RUFY3: variants seen among roughly 807,000 people sequenced by gnomAD.
RUFY3 encodes protein RUFY3.
In RUFY3, 34 loss-of-function variants were observed where a neutral mutation model predicts 84.0. The observed-to-expected ratio is 0.40, with a 90% CI of 0.31 to 0.54. RUFY3 has a LOEUF of 0.54. RUFY3 is among the 20% of genes least tolerant of loss of function. The pLI is 0.39. For synonymous variants in RUFY3, 242 were observed against 252.9 expected (o/e 0.96, Z 0.41); for missense variants, 507 against 736.8 (o/e 0.69, Z 3.61).
At position 70,754,989 on chromosome 4, in the gene RUFY3, C is replaced by T. The variant is rs543349357; in HGVS notation, c.179-7530C>T. Among the ~76,000 whole-genome samples the T allele has an allele frequency of 2.5e-3, 381 of 151,842 alleles. 1 individual carries two copies. The highest frequency in any genetic ancestry group is 8.6e-3 in the African/African-American group (358 of 41,392). ...TGTGATCTTGGCTCACTGCAACCTCCGCTTCCCGGGTTGAAGCGATTCTCC... is the reference window on the plus strand; with the variant it reads ...TGTGATCTTGGCTCACTGCAACCTCTGCTTCCCGGGTTGAAGCGATTCTCC... On this transcript the variant is annotated intron_variant, in intron 1 of 17. Coordinates refer to ENST00000381006, the MANE Select transcript of RUFY3 (RefSeq NM_001037442.4).
At chr4:70,752,554 G>A (rs1723301125) in intron 1 of RUFY3, among the ~76,000 whole-genome samples, 1 of 152,170 alleles carries the variant, frequency 6.6e-6, no homozygotes, top group South Asian at 2.1e-4. Context: ...TGAGTTTTTT[G>A]TAGATGCCCT....
chr4:70,791,213 T>A, intron 12 of RUFY3: 1 of 1,607,192 alleles, frequency 6.2e-7, no homozygotes, highest in Non-Finnish European at 8.5e-7. Context: ...TTGTCATTTT[T>A]ATTTTATTTA....
chr4:70,759,797 A>G (rs1188162779), intron 1 of RUFY3, among the ~76,000 whole-genome samples: 1 of 152,158 alleles, frequency 6.6e-6, no homozygotes, highest in African/African-American at 2.4e-5. Flanking sequence ...TCATTTGTTT[A>G]GATTAGTAGT....
intron 4 of RUFY3, 46 bp downstream of exon 4, chr4:70,764,622 C>A: frequency 8.6e-7 from 1 of 1,162,902 alleles, no homozygotes; most frequent in Non-Finnish European, 1.3e-6. Flanking sequence ...GTATGTTCTA[C>A]ATCGTATAAA....
intron 1 of RUFY3, among the ~76,000 whole-genome samples, chr4:70,716,231 C>T (rs1267305222): frequency 2.0e-5 from 3 of 152,056 alleles, no homozygotes; most frequent in Non-Finnish European, 4.4e-5. Flanking sequence ...CTGTAACCTC[C>T]GCCTCCTGGC....
chr4:70,763,810 C>A, intron 3 of RUFY3, 141 bp downstream of exon 3: 1 of 1,015,578 alleles, frequency 9.8e-7, no homozygotes, highest in Non-Finnish European at 1.4e-6. Flanking sequence ...TAGGTGCTGA[C>A]AGGAGAGAAT....
chr4:70,771,597 A>G (rs1726972033), intron 5 of RUFY3, among the ~76,000 whole-genome samples: 1 of 152,160 alleles, frequency 6.6e-6, no homozygotes, highest in Admixed American at 6.5e-5. Flanking sequence ...CGTGGAGTGA[A>G]CTCAGCTCAG....
chr4:70,789,432 C>A, intron 11 of RUFY3, 63 bp from the exon 12 acceptor site: 2 of 1,376,588 alleles, frequency 1.5e-6, no homozygotes, highest in Non-Finnish European at 2.0e-6. Flanking sequence ...ATTCAAAAGG[C>A]ATGTGTGGTT....
At chr4:70,708,912 G>A (rs1039166884) in intron 1 of RUFY3, among the ~76,000 whole-genome samples, 3 of 152,128 alleles carry the variant, frequency 2.0e-5, no homozygotes, top group Non-Finnish European at 4.4e-5. Flanking sequence ...AAATAAGTTA[G>A]CTGGGTATGG....
intron 5 of RUFY3, among the ~76,000 whole-genome samples, chr4:70,769,115 G>A (rs1331231811): frequency 1.3e-5 from 2 of 152,138 alleles, no homozygotes; most frequent in Non-Finnish European, 2.9e-5. Flanking sequence ...TGCACTTTGG[G>A]GCAGGAGTAT....
rs1456365381 is a variant in RUFY3, at chr4:70,710,892, G to A, written c.358+5598G>A. Among the ~76,000 whole-genome samples, 5 of 150,078 alleles carry A rather than the reference G, an allele frequency of 3.3e-5. No individual in the cohort carries two copies. The East Asian group carries it at 6.0e-4, about 18-fold the overall frequency. ...AGCCTGGCCAACATGGTGAAACCCC[G>A]TCTCTACTAAAAATACAAAAAAATT... On this transcript the variant is annotated intron_variant, in intron 1 of 11. Coordinates refer to the RUFY3 transcript ENST00000417478.
At chr4:70,775,999 T>G (rs1302920990) in intron 7 of RUFY3, among the ~76,000 whole-genome samples, 1 of 151,836 alleles carries the variant, frequency 6.6e-6, no homozygotes, top group Non-Finnish European at 1.5e-5. Flanking sequence ...CATTTCTCAT[T>G]TATACATTGA....
chr4:70,797,735 C>T (rs1169447773), intron 14 of RUFY3, among the ~76,000 whole-genome samples: 2 of 151,848 alleles, frequency 1.3e-5, no homozygotes, highest in Non-Finnish European at 2.9e-5. Flanking sequence ...CCCAGCTACT[C>T]GGGAGGCTGA....
At chr4:70,732,928 G>A (rs2148618153) in intron 1 of RUFY3, among the ~76,000 whole-genome samples, 1 of 151,978 alleles carries the variant, frequency 6.6e-6, no homozygotes, top group African/African-American at 2.4e-5. Flanking sequence ...AAAGCCAGGT[G>A]CAGTGGCGGG....
chr4:70,719,261 C>T (rs1339130939), upstream of RUFY3, among the ~76,000 whole-genome samples: 1 of 152,126 alleles, frequency 6.6e-6, no homozygotes. Context: ...TTGCCAAAAA[C>T]TTTAGTTGTT....
intron 2 of RUFY3, among the ~76,000 whole-genome samples, chr4:70,763,010 T>C (rs1308771438): frequency 6.6e-6 from 1 of 152,084 alleles, no homozygotes; most frequent in Admixed American, 6.6e-5. Flanking sequence ...ACACATTGAG[T>C]TGTGGCAGAG....
intron 12 of RUFY3, 92 bp downstream of exon 12, chr4:70,789,684 G>T (rs1194718966): frequency 1.2e-5 from 17 of 1,444,196 alleles, no homozygotes; most frequent in Admixed American, 7.9e-5. Flanking sequence ...GAAAATACAT[G>T]AAATTCTTCC....
At chr4:70,716,459 T>C (rs1741633689) in intron 1 of RUFY3, among the ~76,000 whole-genome samples, 1 of 152,192 alleles carries the variant, frequency 6.6e-6, no homozygotes, top group Admixed American at 6.5e-5. Flanking sequence ...TCAGAAATTT[T>C]TTGTACATGC....
intron 1 of RUFY3, 30 bp downstream of exon 1, chr4:70,722,781 C>A: frequency 6.3e-7 from 1 of 1,595,640 alleles, no homozygotes; most frequent in South Asian, 1.1e-5. Flanking sequence ...GCTAGTATTT[C>A]ACCAGCATCC....
Sources: gnomAD v4.1 joint callset for allele counts (sites outside exome capture counted in the v4.1 genomes callset) on GRCh38, gnomAD v4.1.1 for gene constraint, MANE v1.5 for transcripts, NCBI Gene and HGNC (gene_info 2026-07-23, HGNC 2026-07-21) for gene names.